AUTS2: variants seen among roughly 807,000 people sequenced by gnomAD.
The protein encoded by AUTS2 is activator of transcription and developmental regulator AUTS2.
Under a neutral mutation model 112.4 loss-of-function variants are expected in AUTS2, and 17 were observed. The ratio of observed to expected loss-of-function variants is 0.15; its 90% CI spans 0.10 to 0.23. The LOEUF is 0.23. Ranked by LOEUF, AUTS2 falls within the 10% of genes least tolerant of loss-of-function variation. The pLI is 1.00. For missense variants in AUTS2, 1,510 were observed against 1,701.6 expected (o/e 0.89, Z 1.98); for synonymous variants, 751 against 702.7 (o/e 1.07, Z -1.09).
chr7:70,404,347 A>T (rs1794445179), intron 4 of AUTS2, among the ~76,000 whole-genome samples: 1 of 151,988 alleles, frequency 6.6e-6, no homozygotes, highest in African/African-American at 2.4e-5. Flanking sequence ...TCTGGCCTTT[A>T]TTCCTGTCTA....
intron 2 of AUTS2, among the ~76,000 whole-genome samples, chr7:69,973,737 G>A (rs570603521): frequency 8.0e-4 from 122 of 152,006 alleles, no homozygotes; most frequent in Non-Finnish European, 1.5e-3. Flanking sequence ...AGAGTACATT[G>A]CTTGATTTTC....
At chr7:70,393,653 T>G (rs759975158) in intron 4 of AUTS2, among the ~76,000 whole-genome samples, 26 of 152,188 alleles carry the variant, frequency 1.7e-4, no homozygotes, top group Non-Finnish European at 3.7e-4. Context: ...GTGATGTTAT[T>G]GGGCTTCCTT....
intron 6 of AUTS2, among the ~76,000 whole-genome samples, chr7:70,703,490 C>CAA (rs57223380): frequency 0.034 from 3,320 of 96,912 alleles, 121 homozygotes; most frequent in East Asian, 0.064. Flanking sequence ...GACACCATTT[C>CAA]AAAAAAAAAA....
intron 10 of AUTS2, among the ~76,000 whole-genome samples, chr7:70,769,870 T>G (rs1288142891): frequency 1.3e-5 from 2 of 152,144 alleles, no homozygotes; most frequent in African/African-American, 4.8e-5. Context: ...CTTCAGGTTT[T>G]TAGTCAGGGG....
intron 2 of AUTS2, among the ~76,000 whole-genome samples, chr7:69,934,072 G>T (rs527489202): frequency 4.2e-4 from 64 of 152,342 alleles, no homozygotes; most frequent in African/African-American, 1.4e-3. Context: ...AAAACAGTTA[G>T]CTGCGGAATC....
At chr7:70,627,116 A>G (rs1804992006) in intron 5 of AUTS2, among the ~76,000 whole-genome samples, 1 of 152,180 alleles carries the variant, frequency 6.6e-6, no homozygotes, top group Non-Finnish European at 1.5e-5. Flanking sequence ...CACTGAACTA[A>G]TTTACCTTCC....
intron 4 of AUTS2, among the ~76,000 whole-genome samples, chr7:70,169,340 A>G (rs1808549918): frequency 6.6e-6 from 1 of 152,024 alleles, no homozygotes; most frequent in Admixed American, 6.6e-5. Flanking sequence ...TCCTGAGTTC[A>G]CGCCATTCTC....
intron 1 of AUTS2, among the ~76,000 whole-genome samples, chr7:69,632,223 C>A (rs1001153564): frequency 1.3e-5 from 2 of 152,094 alleles, no homozygotes; most frequent in African/African-American, 4.8e-5. Flanking sequence ...CCTTACATTA[C>A]TTATTTTTAT....
intron 1 of AUTS2, among the ~76,000 whole-genome samples, chr7:69,863,672 G>GT (rs1793091394): frequency 6.6e-6 from 1 of 152,224 alleles, no homozygotes; most frequent in Non-Finnish European, 1.5e-5. Flanking sequence ...TGACTTAGAA[G>GT]AAGTCTAGAT....
At chr7:70,413,133 A>G (rs766546554) in intron 4 of AUTS2, among the ~76,000 whole-genome samples, 1 of 152,238 alleles carries the variant, frequency 6.6e-6, no homozygotes, top group Non-Finnish European at 1.5e-5. Context: ...TCATTGATTG[A>G]CATATCCAAG....
At chr7:69,927,675 G>A (rs1428977587) in intron 2 of AUTS2, among the ~76,000 whole-genome samples, 1 of 152,196 alleles carries the variant, frequency 6.6e-6, no homozygotes, top group Admixed American at 6.5e-5. Flanking sequence ...GCAAGTGAGC[G>A]CAGGGTCTGG....
chr7:70,205,963 T>C (rs944189980), intron 4 of AUTS2, among the ~76,000 whole-genome samples: 2 of 152,218 alleles, frequency 1.3e-5, no homozygotes, highest in African/African-American at 4.8e-5. Context: ...TATCTTGAAC[T>C]GAATGTATGC....
At chr7:70,064,733 A>T (rs1802410342) in intron 2 of AUTS2, among the ~76,000 whole-genome samples, 1 of 152,166 alleles carries the variant, frequency 6.6e-6, no homozygotes, top group Non-Finnish European at 1.5e-5. Flanking sequence ...TCTTTTTAAG[A>T]GTCATAGTAT....
intron 1 of AUTS2, among the ~76,000 whole-genome samples, chr7:69,760,917 A>G (rs1231119336): frequency 6.6e-6 from 1 of 152,208 alleles, no homozygotes; most frequent in Non-Finnish European, 1.5e-5. Context: ...ACAAAACTCA[A>G]TTTACGAATC....
intron 5 of AUTS2, among the ~76,000 whole-genome samples, chr7:70,447,672 C>T (rs1481508518): frequency 6.6e-6 from 1 of 152,144 alleles, no homozygotes; most frequent in East Asian, 1.9e-4. Context: ...TCCAATAAGC[C>T]TGAGAGCTGA....
chr7:70,751,796 C>T (rs947489330), intron 6 of AUTS2, among the ~76,000 whole-genome samples: 4 of 152,156 alleles, frequency 2.6e-5, no homozygotes, highest in African/African-American at 9.7e-5. Flanking sequence ...TCTCGGCTCA[C>T]TGCAACCTCC....
chr7:69,995,497 T>G (rs1484212036), intron 2 of AUTS2, among the ~76,000 whole-genome samples: 1 of 152,174 alleles, frequency 6.6e-6, no homozygotes, highest in Non-Finnish European at 1.5e-5. Context: ...AGAAGGGTTC[T>G]CCCTCCTTCT....
intron 2 of AUTS2, among the ~76,000 whole-genome samples, chr7:69,960,877 T>G (rs559785447): frequency 6.6e-6 from 1 of 152,270 alleles, no homozygotes; most frequent in East Asian, 1.9e-4. Context: ...GCTCATCAAC[T>G]TCTGTGTGTG....
chr7:70,711,904 C>T (rs1810073268), intron 6 of AUTS2, among the ~76,000 whole-genome samples: 3 of 152,320 alleles, frequency 2.0e-5, no homozygotes, highest in Non-Finnish European at 4.4e-5. Flanking sequence ...TACTCACTCC[C>T]CACACATCTT....
Sources: gnomAD v4.1 joint callset for allele counts (sites outside exome capture counted in the v4.1 genomes callset) on GRCh38, gnomAD v4.1.1 for gene constraint, MANE v1.5 for transcripts, NCBI Gene and HGNC (gene_info 2026-07-23, HGNC 2026-07-21) for gene names.